The following POMGNT2 variants were observed in gnomAD, a reference collection of about 807,000 sequenced individuals.
POMGNT2 encodes protein O-linked mannose N-acetylglucosaminyltransferase 2 (beta 1,4-), also known as protein O-linked-mannose beta-1,4-N-acetylglucosaminyltransferase 2.
POMGNT2 carries 32 observed loss-of-function variants against 37.8 expected under a neutral mutation model. The ratio of observed to expected loss-of-function variants is 0.85; its 90% CI spans 0.64 to 1.14. The LOEUF (loss-of-function observed/expected upper bound fraction) is 1.14, where lower values mean the gene tolerates loss of function less well. Ranked by LOEUF, POMGNT2 falls within the 50% of genes most tolerant of loss-of-function variation. The pLI is 0.00. For synonymous variants in POMGNT2, 340 were observed against 336.8 expected (o/e 1.01, Z -0.10); for missense variants, 705 against 780.6 (o/e 0.90, Z 1.15).
chr3:43,101,240 G>T (rs1312590725), intron 1 of POMGNT2, among the ~76,000 whole-genome samples: 1 of 152,224 alleles, frequency 6.6e-6, no homozygotes, highest in Non-Finnish European at 1.5e-5. Context: ...AGCTGCTCAG[G>T]GACCTAGAGT....
chr3:43,105,808 T>C (rs1302890723), intron 1 of POMGNT2, 28 bp downstream of exon 1: 1 of 151,786 alleles, frequency 6.6e-6, no homozygotes, highest in Non-Finnish European at 1.5e-5. Context: ...CGGAGTCCGC[T>C]CCAGCCCCAA....
In POMGNT2 at chr3:43,081,012, C is replaced by T. The variant is rs1176941282; in HGVS notation, c.420G>A (p.Leu140=). The T allele has an allele frequency of 2.5e-6, 4 of 1,614,226 alleles. No homozygotes were observed. The Admixed American group carries it at 6.7e-5, about 27-fold the overall frequency. ...CGAACACCGGCTTGGGCATGAAGCG[C>T]AGGGCAGCAGCAGGCAGCTCCACGA... ...FNFVELPAAA[L]RFMPKPVFVP... The change falls in exon 2 of 2, where the codon CTG becomes CTA. Residue 140 remains leucine (L), a synonymous_variant. Coordinates refer to ENST00000344697, the MANE Select transcript of POMGNT2 (RefSeq NM_032806.6).
At chr3:43,089,050 C>T (rs2089921450) in intron 1 of POMGNT2, among the ~76,000 whole-genome samples, 1 of 152,194 alleles carries the variant, frequency 6.6e-6, no homozygotes, top group Non-Finnish European at 1.5e-5. Flanking sequence ...CCCCTGGACT[C>T]TTCTATAACT....
In POMGNT2 at chr3:43,081,548, G is replaced by C. The variant is rs974303850; in HGVS notation, c.-105-12C>G. On this transcript the variant is annotated splice_polypyrimidine_tract_variant and intron_variant, in intron 1 of 1. Coordinates refer to ENST00000344697, the MANE Select transcript of POMGNT2 (RefSeq NM_032806.6). ...GAACTGGTGAAAGCCTGCAGGAGGA[G>C]AGAAGGAAAAGAAAAAGGAATTGGC... 1.1e-6 allele frequency: 1 copy of C among 909,410 alleles called. No homozygotes were observed. Among genetic ancestry groups the C allele is most frequent in the South Asian group, 1.8e-5 (1 of 56,044 alleles). 56.3% of individuals were successfully genotyped at this position (909,410 alleles called of 1,614,324 possible).
chr3:43,091,350 T>C (rs542188821), intron 1 of POMGNT2, among the ~76,000 whole-genome samples: 1 of 152,106 alleles, frequency 6.6e-6, no homozygotes, highest in Non-Finnish European at 1.5e-5. Context: ...TTGGATAATT[T>C]TAGTACCAAA....
At position 43,081,085 on chromosome 3, in the gene POMGNT2, A is replaced by G. The variant is rs887238375; in HGVS notation, c.347T>C (p.Leu116Pro). The change falls in exon 2 of 2, where the codon CTG becomes CCG. Residue 116 changes from leucine (L) to proline (P), a missense_variant. Physicochemically the swap from Leu to Pro is moderately conservative, Grantham distance 98. Transcript: ENST00000344697. ...GTCCTCCACGGTGGATAGGTCGAGCAGGGCTGGCTGGAAGCGCCGGGAGCC... is the reference window on the plus strand; with the variant it reads ...GTCCTCCACGGTGGATAGGTCGAGCGGGGCTGGCTGGAAGCGCCGGGAGCC... ...NLGSRRFQPA[L>P]LDLSTVEDHN... 6.2e-7 allele frequency: 1 copy of G among 1,614,228 alleles called. No homozygotes were observed.
At position 43,102,226 on chromosome 3, in the gene POMGNT2, G is replaced by T. The variant is rs144982064; in HGVS notation, c.-106+3610C>A. Among the ~76,000 whole-genome samples, 348 of 152,302 alleles carry T rather than the reference G, an allele frequency of 2.3e-3. 1 individual carries two copies. Among genetic ancestry groups the T allele is most frequent in the African/African-American group, 7.9e-3 (327 of 41,576 alleles). ...CAAACCTCCACTGTCAAAGGACCCC[G>T]GGGTGTGTTTCATCACTGGGTGTGG... On this transcript the variant is annotated intron_variant, in intron 1 of 1. Coordinates refer to ENST00000344697, the MANE Select transcript of POMGNT2 (RefSeq NM_032806.6).
intron 1 of POMGNT2, among the ~76,000 whole-genome samples, chr3:43,097,351 C>A (rs975701246): frequency 1.3e-5 from 2 of 152,084 alleles, no homozygotes; most frequent in Non-Finnish European, 2.9e-5. Flanking sequence ...TCTGCTTGGG[C>A]TCCCATAACA....
At chr3:43,092,777 A>G (rs968738910) in intron 1 of POMGNT2, among the ~76,000 whole-genome samples, 3 of 152,260 alleles carry the variant, frequency 2.0e-5, no homozygotes, top group Admixed American at 1.3e-4. Flanking sequence ...GACAAAATAA[A>G]TAAGTTAAAA....
At chr3:43,083,275 A>C (rs1385220789) in intron 1 of POMGNT2, among the ~76,000 whole-genome samples, 1 of 152,214 alleles carries the variant, frequency 6.6e-6, no homozygotes, top group Non-Finnish European at 1.5e-5. Context: ...TAATCATCTT[A>C]ATTAACTTTC....
At chr3:43,085,080 G>A (rs1575465504) in intron 1 of POMGNT2, among the ~76,000 whole-genome samples, 1 of 152,208 alleles carries the variant, frequency 6.6e-6, no homozygotes, top group Middle Eastern at 3.4e-3. Context: ...GTGGCTGGGA[G>A]GGGGAGGGAT....
chr3:43,080,734 A>G lies in POMGNT2; in HGVS notation c.698T>C (p.Phe233Ser), dbSNP rs754126344. Residue 233 changes from phenylalanine to serine, a missense_variant, in exon 2 of 2, where the codon TTT becomes TCT. By Grantham distance (155) the Phe-to-Ser change is radical. Transcript: ENST00000344697. ...LGRLLCFSHA[F>S]VGLSKITTWY... ...GGTAGTGATCTTGGAGAGGCCCACA[A>G]AAGCATGGGAGAAGCACAGCAGCCG... 4.3e-6 allele frequency: 7 copies of G among 1,614,118 alleles called. No homozygotes were observed. The highest frequency in any genetic ancestry group is 8.5e-7 in the Non-Finnish European group (1 of 1,180,034).
chr3:43,080,029 C>A lies in POMGNT2; in HGVS notation c.1403G>T (p.Arg468Leu). Residue 468 changes from arginine (R) to leucine (L), a missense_variant, in exon 2 of 2, where the codon CGG (arginine) becomes CTG (leucine). Transcript: ENST00000344697. ...IQTIRRVVKG[R>L]PGPRKQKWTV... ...CCACTTCTGCTTCCGTGGTCCTGGCCGGCCCTTCACCACGCGCCGTATGGT... is the reference window on the plus strand; with the variant it reads ...CCACTTCTGCTTCCGTGGTCCTGGCAGGCCCTTCACCACGCGCCGTATGGT... 1 of 1,613,880 alleles carries A rather than the reference C, an allele frequency of 6.2e-7. No homozygotes were observed. The highest frequency in any genetic ancestry group is 8.5e-7 in the Non-Finnish European group (1 of 1,180,048).
chr3:43,089,833 T>C (rs1035542264), intron 1 of POMGNT2, among the ~76,000 whole-genome samples: 2 of 152,050 alleles, frequency 1.3e-5, no homozygotes. Flanking sequence ...TTCTTGGTGG[T>C]GAGAGAAGAG....
chr3:43,088,255 A>G (rs1352727685), intron 1 of POMGNT2, among the ~76,000 whole-genome samples: 4 of 152,248 alleles, frequency 2.6e-5, no homozygotes, highest in African/African-American at 9.6e-5. Context: ...GTCACTTTTC[A>G]TCACAGTCAT....
At chr3:43,103,912 C>G (rs1450788929) in intron 1 of POMGNT2, among the ~76,000 whole-genome samples, 1 of 152,126 alleles carries the variant, frequency 6.6e-6, no homozygotes, top group East Asian at 1.9e-4. Context: ...TTCAAAGAGA[C>G]AGCAAAGGCA....
At chr3:43,090,649 T>C (rs2089935937) in intron 1 of POMGNT2, 2 of 151,362 alleles carry the variant, frequency 1.3e-5, no homozygotes, top group South Asian at 2.1e-4. Flanking sequence ...CATTGACATT[T>C]GAGGTTAGGA....
chr3:43,085,570 T>C (rs2089891419), intron 1 of POMGNT2, among the ~76,000 whole-genome samples: 1 of 152,154 alleles, frequency 6.6e-6, no homozygotes, highest in Non-Finnish European at 1.5e-5. Context: ...TCTCCCATGA[T>C]TGTGAGGCCT....
At chr3:43,087,337 C>T (rs925745902) in intron 1 of POMGNT2, 4 of 152,226 alleles carry the variant, frequency 2.6e-5, no homozygotes, top group African/African-American at 9.7e-5. Flanking sequence ...TCCACTGCTA[C>T]AAAGGTTAAC....
Sources: gnomAD v4.1 joint callset for allele counts (sites outside exome capture counted in the v4.1 genomes callset) on GRCh38, gnomAD v4.1.1 for gene constraint, MANE v1.5 for transcripts, NCBI Gene and HGNC (gene_info 2026-07-23, HGNC 2026-07-21) for gene names.